LOXHD1: variants seen among roughly 807,000 people sequenced by gnomAD.
LOXHD1 encodes the protein lipoxygenase homology domain-containing protein 1.
LOXHD1 carries 205 observed loss-of-function variants against 248.2 expected under a neutral mutation model. The observed-to-expected ratio is 0.83, with a 90% CI of 0.74 to 0.93. LOXHD1 has a LOEUF of 0.93. LOXHD1 is among the 40% of genes least tolerant of loss of function. The probability of loss-of-function intolerance (pLI) is 0.00; values close to 1 mark genes in which losing one functional copy is unlikely to be tolerated. For missense variants in LOXHD1, 2,930 were observed against 2,971.6 expected, an observed-to-expected ratio of 0.99 and a Z score of 0.33; for synonymous variants, 1,113 against 1,162.8, an observed-to-expected ratio of 0.96 and a Z score of 0.87.
At chr18:46,573,615 T>C (rs1203310688) in intron 14 of LOXHD1, among the ~76,000 whole-genome samples, 2 of 152,170 alleles carry the variant, frequency 1.3e-5, no homozygotes, top group East Asian at 1.9e-4. Context: ...AATTCCTCCA[T>C]AGCCTCCCTG....
At chr18:46,544,483 C>A (rs1049570759) in intron 23 of LOXHD1, among the ~76,000 whole-genome samples, 1 of 152,192 alleles carries the variant, frequency 6.6e-6, no homozygotes, top group Non-Finnish European at 1.5e-5. Flanking sequence ...CTAATTATAT[C>A]ATTATATATT....
chr18:46,548,016 T>C (rs768568121), intron 21 of LOXHD1, among the ~76,000 whole-genome samples: 1 of 152,240 alleles, frequency 6.6e-6, no homozygotes, highest in Non-Finnish European at 1.5e-5. Context: ...ATGTGTTAAC[T>C]TTATAAAATG....
chr18:46,534,339 T>G lies in LOXHD1; in HGVS notation c.4208A>C (p.Lys1403Thr). 1 of 1,550,370 alleles carries G rather than the reference T, an allele frequency of 6.5e-7. No individual in the cohort carries two copies. The highest frequency in any genetic ancestry group is 8.7e-7 in the Non-Finnish European group (1 of 1,145,814). The change falls in exon 27 of 41, where the codon AAA becomes ACA. Residue 1403 changes from lysine to threonine, a missense_variant. Transcript: ENST00000642948. ...ACAGACCAGTCAACAACTCACGTCT[T>G]TATCCGGGAGGAGCCTGCGGATGTC... ...HVDIRRLLPD[K>T]DGAETLTFPC...
At chr18:46,638,561 A>C in intron 4 of LOXHD1, among the ~76,000 whole-genome samples, 1 of 152,232 alleles carries the variant, frequency 6.6e-6, no homozygotes, top group Non-Finnish European at 1.5e-5. Flanking sequence ...TGAACCCAGG[A>C]GGCAGAGATC....
At chr18:46,546,808 G>T (rs901936896) in intron 22 of LOXHD1, 87 bp downstream of exon 22, 44 of 1,420,772 alleles carry the variant, frequency 3.1e-5, no homozygotes, top group Non-Finnish European at 3.8e-5. Context: ...GAGCCCACAG[G>T]GGAGGGAAGG....
chr18:46,522,062 T>C (rs1402965447), intron 32 of LOXHD1, 39 bp downstream of exon 32: 2 of 1,319,386 alleles, frequency 1.5e-6, no homozygotes, highest in African/African-American at 3.0e-5. Context: ...TGTCTATCCC[T>C]AGGGTGGTCA....
At chr18:46,557,839 A>C in intron 20 of LOXHD1, 1 of 1,283,822 alleles carries the variant, frequency 7.8e-7, no homozygotes, top group Non-Finnish European at 1.0e-6. Context: ...GTGCACTGAA[A>C]CCCTCTGCAA....
Position 46,522,216 on chromosome 18 carries a change from T to C in LOXHD1, c.4970A>G (p.Glu1657Gly). 1 of 1,551,794 alleles carries C rather than the reference T, an allele frequency of 6.4e-7. No individual in the cohort carries two copies. Among genetic ancestry groups the C allele is most frequent in the South Asian group, 1.2e-5 (1 of 84,058 alleles). Reference sequence around the variant, plus strand: ...GTCCAACCAGATGCGCTTACTACGTTCATCATCCTCCCCGATGAGAAAGAT... The same window carrying C: ...GTCCAACCAGATGCGCTTACTACGTCCATCATCCTCCCCGATGAGAAAGAT... ...AFIFLIGEDD[E>G]RSKRIWLDYP... The change falls in exon 32 of 41, where the codon GAA becomes GGA. Residue 1657 changes from glutamate to glycine, a missense_variant. By Grantham distance (98) the Glu-to-Gly change is moderately conservative. Transcript: ENST00000642948.
At chr18:46,634,056 A>G (rs2038861252) in intron 4 of LOXHD1, among the ~76,000 whole-genome samples, 1 of 152,252 alleles carries the variant, frequency 6.6e-6, no homozygotes. Context: ...AAAATTACAT[A>G]TAATACCCAG....
chr18:46,534,684 C>T (rs887936492), intron 26 of LOXHD1, among the ~76,000 whole-genome samples: 3 of 152,214 alleles, frequency 2.0e-5, no homozygotes, highest in Non-Finnish European at 4.4e-5. Flanking sequence ...GTTTAATCCA[C>T]CTTCTCTGGG....
intron 23 of LOXHD1, 103 bp downstream of exon 23, chr18:46,545,214 A>G (rs1008210663): frequency 1.2e-6 from 1 of 826,916 alleles, no homozygotes; most frequent in African/African-American, 1.7e-5. Flanking sequence ...TCCTATTGAG[A>G]GACAAAAGCA....
At chr18:46,577,910 C>T (rs572735008) in intron 13 of LOXHD1, 43 bp from the exon 14 acceptor site, 1 of 1,548,384 alleles carries the variant, frequency 6.5e-7, no homozygotes, top group Non-Finnish European at 8.7e-7. Flanking sequence ...AGTGGCTACC[C>T]CAGGACCCAA....
chr18:46,506,228 A>T (rs190561249), intron 36 of LOXHD1, among the ~76,000 whole-genome samples: 1 of 152,274 alleles, frequency 6.6e-6, no homozygotes, highest in East Asian at 1.9e-4. Flanking sequence ...TTTGTGCCTT[A>T]CAAAAGCTTT....
intron 8 of LOXHD1, among the ~76,000 whole-genome samples, chr18:46,600,364 C>G (rs748057134): frequency 6.6e-6 from 1 of 152,088 alleles, no homozygotes; most frequent in African/African-American, 2.4e-5. Context: ...TTTGGGAGGC[C>G]GAGGCAGGCA....
At chr18:46,583,698 A>C (rs1343161386) in intron 12 of LOXHD1, among the ~76,000 whole-genome samples, 1 of 152,142 alleles carries the variant, frequency 6.6e-6, no homozygotes, top group Non-Finnish European at 1.5e-5. Context: ...AAGTGTTGGC[A>C]AGGATGCAGA....
rs372231115 is a variant in LOXHD1, at chr18:46,653,671, T to C, written c.130+3233A>G. On this transcript the variant is annotated intron_variant, in intron 1 of 40. Transcript: ENST00000642948. ...ATAATTATCTGGATGAATGATCATA[T>C]GAATGAATGAAACAATCAATGAATA... is the stretch of plus-strand genomic sequence containing the variant. Among the ~76,000 whole-genome samples, 280 of 152,314 alleles carry C rather than the reference T, an allele frequency of 1.8e-3. 2 individuals carry two copies. The highest frequency in any genetic ancestry group is 6.3e-3 in the African/African-American group (263 of 41,584).
chr18:46,651,781 C>T (rs2039115149), intron 1 of LOXHD1, among the ~76,000 whole-genome samples: 1 of 151,830 alleles, frequency 6.6e-6, no homozygotes, highest in Admixed American at 6.6e-5. Flanking sequence ...ACCAAAAATT[C>T]ACATCAATCA....
intron 26 of LOXHD1, 39 bp downstream of exon 26, chr18:46,538,117 A>T: frequency 6.6e-7 from 1 of 1,505,368 alleles, no homozygotes; most frequent in South Asian, 1.3e-5. Context: ...CCTCTGTCTG[A>T]CCTACTCCAT....
chr18:46,524,975 C>A (rs1462280930), intron 29 of LOXHD1, 58 bp from the exon 30 acceptor site: 1 of 1,530,036 alleles, frequency 6.5e-7, no homozygotes, highest in Non-Finnish European at 8.9e-7. Flanking sequence ...CAACCCACTC[C>A]AGCCCCACCC....
Sources: allele counts gnomAD v4.1 joint callset (sites outside exome capture counted in the v4.1 genomes callset), GRCh38; gene constraint gnomAD v4.1.1; transcripts MANE v1.5; gene names NCBI Gene and HGNC (gene_info 2026-07-23, HGNC 2026-07-21).